COQ8A: variants seen among roughly 807,000 people sequenced by gnomAD.
COQ8A encodes coenzyme Q8A, also known as atypical kinase COQ8A, mitochondrial.
COQ8A carries 51 observed loss-of-function variants against 65.0 expected under a neutral mutation model. The ratio of observed to expected loss-of-function variants is 0.78; its 90% CI spans 0.63 to 0.99. The LOEUF (loss-of-function observed/expected upper bound fraction) is 0.99. Ranked by LOEUF, COQ8A falls within the 50% of genes least tolerant of loss-of-function variation. COQ8A has a pLI of 0.00. For missense variants in COQ8A, 940 were observed against 875.0 expected (o/e 1.07, Z -0.94); for synonymous variants, 371 against 353.2 (o/e 1.05, Z -0.57).
Position 226,965,754 on chromosome 1 carries a change from C to T in COQ8A, c.655+17C>T, listed in dbSNP as rs967349187. 2.5e-6 allele frequency: 4 copies of T among 1,612,456 alleles called. No individual in the cohort carries two copies. Among genetic ancestry groups the T allele is most frequent in the Middle Eastern group, 1.7e-4 (1 of 5,834 alleles). On this transcript the variant is annotated intron_variant, in intron 4 of 14. Transcript: ENST00000366777. ...ACTTCGGAGGTAAGGTGGCTGTGTG[C>T]CCCTGGACTGCCTCACCTGCCCTGC...
At chr1:226,977,978 T>C (rs560077747) in intron 5 of COQ8A, among the ~76,000 whole-genome samples, 12 of 120,922 alleles carry the variant, frequency 9.9e-5, no homozygotes, top group Non-Finnish European at 1.7e-4. Context: ...GCACACCCAC[T>C]GAACACCCAC....
intron 4 of COQ8A, among the ~76,000 whole-genome samples, chr1:226,969,214 A>G (rs1260827249): frequency 1.3e-5 from 2 of 152,184 alleles, no homozygotes; most frequent in Non-Finnish European, 2.9e-5. Context: ...AAAGTCTGCT[A>G]TGATTGTGGA....
rs1657266601 is a variant in COQ8A, at chr1:226,949,850, G to C, written c.-10+9451G>C. Reference sequence around the variant, plus strand: ...GATTTATCCAGTCCTTTCAAGAACAGATGAGGAAACTGAGGCACAAAGATA... The same window carrying C: ...GATTTATCCAGTCCTTTCAAGAACACATGAGGAAACTGAGGCACAAAGATA... On this transcript the variant is annotated intron_variant, in intron 1 of 14. Transcript: ENST00000366777. The surrounding 1 kb of genome is among the most constrained non-coding windows in gnomAD (Gnocchi z 4.0). Among the ~76,000 whole-genome samples the C allele has an allele frequency of 6.6e-6, 1 of 152,314 alleles. No individual in the cohort carries two copies. The highest frequency in any genetic ancestry group is 2.4e-5 in the African/African-American group (1 of 41,574).
intron 4 of COQ8A, among the ~76,000 whole-genome samples, chr1:226,973,800 CTAT>C (rs1659036096): frequency 6.6e-6 from 1 of 152,250 alleles, no homozygotes; most frequent in South Asian, 2.1e-4. Context: ...GATTTCTTGT[CTAT>C]TAGATGAGGA....
At chr1:226,981,248 T>C (rs1659666057) in intron 5 of COQ8A, among the ~76,000 whole-genome samples, 1 of 152,188 alleles carries the variant, frequency 6.6e-6, no homozygotes, top group Non-Finnish European at 1.5e-5. Flanking sequence ...ACTGAACTGA[T>C]GGCCCAGGAT....
chr1:226,942,254 G>A (rs1222040799), intron 1 of COQ8A, among the ~76,000 whole-genome samples: 1 of 152,008 alleles, frequency 6.6e-6, no homozygotes, highest in Non-Finnish European at 1.5e-5. Flanking sequence ...TTAGGCAAAG[G>A]GTAGTGTTAT....
At chr1:226,975,043 C>T (rs1659111634) in intron 4 of COQ8A, 1 of 152,270 alleles carries the variant, frequency 6.6e-6, no homozygotes, top group Non-Finnish European at 1.5e-5. Flanking sequence ...TTGCTTCAGG[C>T]AGAGAAGAAT....
chr1:226,969,488 G>A (rs540338335), intron 4 of COQ8A, among the ~76,000 whole-genome samples: 12 of 152,190 alleles, frequency 7.9e-5, no homozygotes, highest in South Asian at 6.2e-4. Flanking sequence ...CGCCCGCCTC[G>A]GCCTCCTAAA....
chr1:226,969,679 C>T (rs60107850), intron 4 of COQ8A, among the ~76,000 whole-genome samples: 5,981 of 152,050 alleles, frequency 0.039, 377 homozygotes, highest in African/African-American at 0.13. Context: ...TTGCATGTTA[C>T]CTTTTTTTTT....
chr1:226,977,653 T>A, intron 5 of COQ8A, 130 bp downstream of exon 5: 1 of 1,006,428 alleles, frequency 9.9e-7, no homozygotes, highest in African/African-American at 1.6e-5. Context: ...TCCACGTAAG[T>A]GGCGTCCCTG....
chr1:226,953,120 C>T (rs1018947866), intron 1 of COQ8A, among the ~76,000 whole-genome samples: 14 of 152,230 alleles, frequency 9.2e-5, no homozygotes, highest in Admixed American at 5.9e-4. Flanking sequence ...GCTTCCGCCT[C>T]CTGGTTTCAA....
Position 226,965,417 on chromosome 1 carries a change from A to G in COQ8A, c.588+7A>G, listed in dbSNP as rs770789080. The G allele has an allele frequency of 8.1e-6, 13 of 1,606,118 alleles. No individual in the cohort carries two copies. Among genetic ancestry groups the G allele is most frequent in the Non-Finnish European group, 1.1e-5 (13 of 1,177,772 alleles). On this transcript the variant is annotated splice_region_variant and intron_variant, in intron 3 of 14. Transcript: ENST00000366777. Reference sequence around the variant, plus strand: ...CAAGCAGCACAAACAGACGGTGCGTATGGGAGGCCCCTGGAGGGCCGAGGT... The same window carrying G: ...CAAGCAGCACAAACAGACGGTGCGTGTGGGAGGCCCCTGGAGGGCCGAGGT...
intron 2 of COQ8A, among the ~76,000 whole-genome samples, chr1:226,962,580 C>T (rs1367893055): frequency 6.6e-6 from 1 of 152,228 alleles, no homozygotes; most frequent in Admixed American, 6.5e-5. Flanking sequence ...AGCTTCTCTC[C>T]TTCCACGTCT....
intron 1 of COQ8A, among the ~76,000 whole-genome samples, chr1:226,951,570 G>A (rs1305498406): frequency 6.6e-6 from 1 of 152,116 alleles, no homozygotes; most frequent in Non-Finnish European, 1.5e-5. Flanking sequence ...TCAGGGTCAG[G>A]AGCAGAACTA....
intron 1 of COQ8A, among the ~76,000 whole-genome samples, chr1:226,960,396 TGGTACTTGGTGGTGGC>T (rs1281944787): frequency 9.3e-5 from 14 of 150,510 alleles, no homozygotes; most frequent in Admixed American, 1.3e-4. Flanking sequence ...GTGTCAGTGG[TGGTACTTGGTGGTGGC>T]GGTGGTACTT....
At chr1:226,977,696 C>T (rs947702463) in intron 5 of COQ8A, among the ~76,000 whole-genome samples, 173 bp downstream of exon 5, 7 of 152,100 alleles carry the variant, frequency 4.6e-5, no homozygotes, top group African/African-American at 1.5e-4. Context: ...GACAGATTGA[C>T]CTGCTTTAGA....
chr1:226,970,455 T>TA (rs1387658765), intron 4 of COQ8A, among the ~76,000 whole-genome samples: 1 of 152,248 alleles, frequency 6.6e-6, no homozygotes, highest in African/African-American at 2.4e-5. Flanking sequence ...ATAACTGTAA[T>TA]ACAACGGTAT....
At position 226,961,380 on chromosome 1, in the gene COQ8A, T is replaced by G. The variant is rs1473637872; in HGVS notation, c.-6T>G. 2 of 1,613,550 alleles carry G rather than the reference T, an allele frequency of 1.2e-6. No individual in the cohort carries two copies. Among genetic ancestry groups the G allele is most frequent in the Non-Finnish European group, 1.7e-6 (2 of 1,180,014 alleles). On this transcript the variant is annotated 5_prime_UTR_variant, in exon 2 of 15. Transcript: ENST00000366777. ...GACTTGGCCTCCTCTCTTCCAGCCC[T>G]GAAGGATGGCTGCCATATTGGGAGA...
chr1:226,982,859 C>T lies in COQ8A; in HGVS notation c.940-35C>T, dbSNP rs777727574. The T allele has an allele frequency of 5.6e-6, 9 of 1,612,628 alleles. No individual in the cohort carries two copies. In the Admixed American group the frequency reaches 1.3e-4, roughly 24 times the overall value. ...GCTTCTCCCGGTGGCCCAGGCAGGG[C>T]ATGCTCAGAGCCCCTCCCTGGCCCT... On this transcript the variant is annotated intron_variant, in intron 7 of 14. Transcript: ENST00000366777.
Sources: gnomAD v4.1 joint callset for allele counts (sites outside exome capture counted in the v4.1 genomes callset) on GRCh38, gnomAD v4.1.1 for gene constraint, Gnocchi (gnomAD v3.1) non-coding constraint, MANE v1.5 for transcripts, NCBI Gene and HGNC (gene_info 2026-07-23, HGNC 2026-07-21) for gene names.